PDZD2: variants seen among roughly 807,000 people sequenced by gnomAD.
PDZD2 encodes PDZ domain containing 2, also known as PDZ domain-containing protein 2.
PDZD2 carries 90 observed loss-of-function variants against 220.7 expected under a neutral mutation model. The ratio of observed to expected loss-of-function variants is 0.41; its 90% CI spans 0.34 to 0.49. The LOEUF is 0.49. Ranked by LOEUF, PDZD2 falls within the 20% of genes least tolerant of loss-of-function variation. PDZD2 has a pLI of 0.28. For synonymous variants in PDZD2, 1,375 were observed against 1,450.5 expected (o/e 0.95, Z 1.18); for missense variants, 3,174 against 3,608.5 (o/e 0.88, Z 3.08).
intron 2 of PDZD2, among the ~76,000 whole-genome samples, chr5:31,937,711 C>T (rs894797558): frequency 6.6e-6 from 1 of 152,214 alleles, no homozygotes; most frequent in Non-Finnish European, 1.5e-5. Flanking sequence ...CTTTTTCACC[C>T]CATGTTCCTA....
rs143895129 is a variant in PDZD2 at position 31,998,861 on chromosome 5, G to A, written c.1122-1278G>A. ...TGGCCAAGCTTGGTCTAGAGGATGC[G>A]GTGGGATCCGAGGCTCGAGGTCCCT... On this transcript the variant is annotated intron_variant, in intron 4 of 24. Coordinates refer to ENST00000438447, the MANE Select transcript of PDZD2 (RefSeq NM_178140.4). 1.6e-3 allele frequency among the ~76,000 whole-genome samples: 239 copies of A among 152,348 alleles called. 2 individuals carry two copies. The highest frequency in any genetic ancestry group is 0.016 in the East Asian group (81 of 5,180).
At chr5:31,641,025 T>G (rs1257745746) in intron 1 of PDZD2, among the ~76,000 whole-genome samples, 1 of 152,338 alleles carries the variant, frequency 6.6e-6, no homozygotes, top group East Asian at 1.9e-4. Context: ...TTGCATGTAC[T>G]TTATGGCAGT....
intron 1 of PDZD2, among the ~76,000 whole-genome samples, chr5:31,748,834 A>C (rs1217475209): frequency 6.6e-6 from 1 of 152,164 alleles, no homozygotes; most frequent in African/African-American, 2.4e-5. Context: ...GCAATGACAG[A>C]TTTTAGGTTA....
chr5:31,701,301 G>A (rs1370033753), intron 1 of PDZD2, among the ~76,000 whole-genome samples: 1 of 152,020 alleles, frequency 6.6e-6, no homozygotes, highest in Non-Finnish European at 1.5e-5. Flanking sequence ...GGTTCAAGTT[G>A]TCCTCCCACC....
At chr5:31,656,936 T>G (rs997619796) in intron 1 of PDZD2, among the ~76,000 whole-genome samples, 2 of 152,164 alleles carry the variant, frequency 1.3e-5, no homozygotes, top group Non-Finnish European at 2.9e-5. Context: ...CTCAACAGCC[T>G]GGGAGATCAG....
At position 32,052,691 on chromosome 5, in the gene PDZD2, C is replaced by G. The variant is rs778124527; in HGVS notation, c.1746C>G (p.Ser582=). 6.2e-7 allele frequency: 1 copy of G among 1,613,922 alleles called. No homozygotes were observed. The highest frequency in any genetic ancestry group is 1.7e-5 in the Admixed American group (1 of 60,034). ...VESPWRLIRP[S]VISIIGLYKE... ...CTCCTTGGAGGCTCATTCGGCCATC[C>G]GTCATCTCGATCATTGGGTTGTACA... The change falls in exon 9 of 25, where the codon TCC becomes TCG. Residue 582 remains serine, a synonymous_variant. Coordinates refer to ENST00000438447, the MANE Select transcript of PDZD2 (RefSeq NM_178140.4).
chr5:31,959,120 A>G (rs976576505), intron 2 of PDZD2, among the ~76,000 whole-genome samples: 1 of 151,412 alleles, frequency 6.6e-6, no homozygotes, highest in Non-Finnish European at 1.5e-5. Flanking sequence ...TTTAGTAGCA[A>G]CAGGGTTTCA....
At chr5:31,950,004 A>G (rs1159529986) in intron 2 of PDZD2, among the ~76,000 whole-genome samples, 1 of 152,130 alleles carries the variant, frequency 6.6e-6, no homozygotes, top group Non-Finnish European at 1.5e-5. Context: ...TTTTAATGCC[A>G]GAACTGCATC....
intron 18 of PDZD2, among the ~76,000 whole-genome samples, chr5:32,077,071 T>C (rs1278471787): frequency 6.6e-6 from 1 of 152,244 alleles, no homozygotes; most frequent in East Asian, 1.9e-4. Flanking sequence ...TTATCCAGAT[T>C]CGTTCATTCC....
intron 1 of PDZD2, among the ~76,000 whole-genome samples, chr5:31,663,163 C>G (rs1251326913): frequency 6.6e-6 from 1 of 152,168 alleles, no homozygotes; most frequent in Admixed American, 6.5e-5. Flanking sequence ...TAAAAAATAT[C>G]CTGTTTCTGT....
intron 6 of PDZD2, among the ~76,000 whole-genome samples, chr5:32,022,358 C>T (rs1056280077): frequency 2.5e-5 from 3 of 119,152 alleles, no homozygotes; most frequent in East Asian, 4.3e-4. Flanking sequence ...CCGCCACTCA[C>T]AGCTAATTTT....
At chr5:31,970,393 C>T (rs537963742) in intron 2 of PDZD2, among the ~76,000 whole-genome samples, 13 of 152,166 alleles carry the variant, frequency 8.5e-5, no homozygotes, top group Admixed American at 3.3e-4. Flanking sequence ...CAGTGGCTCC[C>T]GCTGGTAATC....
intron 6 of PDZD2, among the ~76,000 whole-genome samples, chr5:32,025,780 T>C (rs893497185): frequency 9.9e-5 from 15 of 151,714 alleles, no homozygotes; most frequent in African/African-American, 3.6e-4. Context: ...TTTGTGTTTT[T>C]AGTAGACACA....
chr5:32,034,558 A>G (rs749871202), intron 6 of PDZD2, among the ~76,000 whole-genome samples: 1 of 151,426 alleles, frequency 6.6e-6, no homozygotes, highest in Non-Finnish European at 1.5e-5. Flanking sequence ...GTGGGGTTTC[A>G]CCATGTTGGC....
chr5:31,679,649 A>G (rs1746575338), intron 1 of PDZD2, among the ~76,000 whole-genome samples: 1 of 152,200 alleles, frequency 6.6e-6, no homozygotes, highest in Non-Finnish European at 1.5e-5. Context: ...CTGGGATTAC[A>G]GATGTGCACC....
At chr5:32,085,758 G>T (rs1467833973) in intron 19 of PDZD2, among the ~76,000 whole-genome samples, 1 of 151,904 alleles carries the variant, frequency 6.6e-6, no homozygotes, top group Non-Finnish European at 1.5e-5. Flanking sequence ...TGTTTTTGTT[G>T]TGTTGTTGTT....
intron 1 of PDZD2, among the ~76,000 whole-genome samples, chr5:31,707,257 CA>C (rs983618282): frequency 1.4e-3 from 208 of 151,856 alleles, no homozygotes; most frequent in African/African-American, 4.8e-3. Context: ...ACATATGTAA[CA>C]AACCTGCATG....
At chr5:32,042,445 C>A (rs537193787) in intron 7 of PDZD2, among the ~76,000 whole-genome samples, 1 of 151,410 alleles carries the variant, frequency 6.6e-6, no homozygotes. Context: ...TGGTGGCATG[C>A]GCCTATAATC....
At chr5:31,641,547 A>ATT (rs10627930) in intron 1 of PDZD2, among the ~76,000 whole-genome samples, 24,139 of 145,254 alleles carry the variant, frequency 0.17, 2,692 homozygotes, top group African/African-American at 0.32. Context: ...TGTGTGAGAT[A>ATT]TTTTTTTTTT....
Sources: allele counts gnomAD v4.1 joint callset (sites outside exome capture counted in the v4.1 genomes callset), GRCh38; gene constraint gnomAD v4.1.1; transcripts MANE v1.5; gene names NCBI Gene and HGNC (gene_info 2026-07-23, HGNC 2026-07-21).